The following BRINP1 variants were observed in gnomAD, a reference collection of about 807,000 sequenced individuals.
The protein encoded by BRINP1 is BMP/retinoic acid-inducible neural-specific protein 1.
A neutral mutation model predicts 72.9 loss-of-function variants in BRINP1; 17 were observed. The observed-to-expected ratio is 0.23, with a 90% CI of 0.16 to 0.35. The LOEUF (loss-of-function observed/expected upper bound fraction) is 0.35, where lower values mean the gene tolerates loss of function less well. Ranked by LOEUF, BRINP1 falls within the 10% of genes least tolerant of loss-of-function variation. The probability of loss-of-function intolerance (pLI) is 1.00; values close to 1 mark genes in which losing one functional copy is unlikely to be tolerated. For missense variants in BRINP1, 850 were observed against 1,001.6 expected, an observed-to-expected ratio of 0.85 and a Z score of 2.04; for synonymous variants, 418 against 378.5, an observed-to-expected ratio of 1.10 and a Z score of -1.21.
intron 1 of BRINP1, 48 bp downstream of exon 1, chr9:119,369,008 G>T: frequency 2.6e-6 from 1 of 391,916 alleles, no homozygotes; most frequent in East Asian, 3.6e-5. Flanking sequence ...CCGGGGCCGG[G>T]TCCAAGGGCA....
chr9:119,214,646 T>C (rs7045999), intron 5 of BRINP1, among the ~76,000 whole-genome samples: 130,319 of 151,464 alleles, frequency 0.86, 56,543 homozygotes, highest in African/African-American at 0.97. Context: ...AATCAGCAGG[T>C]GTAGACATGG....
intron 1 of BRINP1, among the ~76,000 whole-genome samples, chr9:119,343,830 C>T (rs1455361009): frequency 6.6e-6 from 1 of 152,210 alleles, no homozygotes; most frequent in Non-Finnish European, 1.5e-5. Flanking sequence ...CATTGCGCCA[C>T]TCAACAATAT....
chr9:119,302,840 T>G (rs988920600), intron 2 of BRINP1, among the ~76,000 whole-genome samples: 4 of 152,174 alleles, frequency 2.6e-5, no homozygotes, highest in Admixed American at 6.5e-5. Flanking sequence ...TTTTATATTT[T>G]TTTTTCAACA....
intron 2 of BRINP1, among the ~76,000 whole-genome samples, chr9:119,261,184 T>C (rs1830491377): frequency 6.6e-6 from 1 of 152,140 alleles, no homozygotes; most frequent in African/African-American, 2.4e-5. Context: ...GAGATGCTTA[T>C]AGGAGGGATT....
intron 1 of BRINP1, among the ~76,000 whole-genome samples, chr9:119,356,329 T>C (rs1831565247): frequency 6.6e-6 from 1 of 152,194 alleles, no homozygotes; most frequent in African/African-American, 2.4e-5. Flanking sequence ...CCACATGCAT[T>C]ATCTCCTTTT....
At chr9:119,324,151 A>G (rs571574263) in intron 1 of BRINP1, among the ~76,000 whole-genome samples, 1 of 152,276 alleles carries the variant, frequency 6.6e-6, no homozygotes, top group East Asian at 1.9e-4. Context: ...TTGGTGCCCA[A>G]CTCAGTACAA....
intron 5 of BRINP1, among the ~76,000 whole-genome samples, chr9:119,229,516 T>C (rs1262004614): frequency 6.6e-6 from 1 of 152,046 alleles, no homozygotes; most frequent in Non-Finnish European, 1.5e-5. Flanking sequence ...CTATTCTACA[T>C]TGTATCTCCT....
chr9:119,240,622 CTG>C (rs1348667745), intron 4 of BRINP1, among the ~76,000 whole-genome samples: 1 of 152,208 alleles, frequency 6.6e-6, no homozygotes, highest in Non-Finnish European at 1.5e-5. Flanking sequence ...ATCCATCTCT[CTG>C]TGCTGAGTTC....
At chr9:119,214,862 A>G (rs902835079) in intron 5 of BRINP1, among the ~76,000 whole-genome samples, 1 of 152,204 alleles carries the variant, frequency 6.6e-6, no homozygotes, top group African/African-American at 2.4e-5. Context: ...GAGGAAAGGC[A>G]TCATGTGTCT....
chr9:119,264,835 A>G (rs967700278), intron 2 of BRINP1, among the ~76,000 whole-genome samples: 1 of 152,038 alleles, frequency 6.6e-6, no homozygotes, highest in Non-Finnish European at 1.5e-5. Flanking sequence ...ATGCCAGGCT[A>G]ATTTTTTTTG....
chr9:119,309,255 G>A (rs757713276), intron 2 of BRINP1, among the ~76,000 whole-genome samples: 38 of 152,274 alleles, frequency 2.5e-4, no homozygotes, highest in African/African-American at 3.9e-4. Context: ...GTCTCAGAGC[G>A]GTTGAAACTT....
chr9:119,198,097 A>C (rs1829759226), intron 7 of BRINP1, among the ~76,000 whole-genome samples: 1 of 152,238 alleles, frequency 6.6e-6, no homozygotes, highest in African/African-American at 2.4e-5. Flanking sequence ...TAGAATGTTA[A>C]ATAGAATATA....
chr9:119,236,026 C>T (rs1830189048), intron 5 of BRINP1, among the ~76,000 whole-genome samples: 1 of 152,092 alleles, frequency 6.6e-6, no homozygotes, highest in Admixed American at 6.6e-5. Context: ...GTAACTTCTC[C>T]CTTCCTACTA....
intron 1 of BRINP1, among the ~76,000 whole-genome samples, chr9:119,325,529 T>A (rs191976777): frequency 2.0e-5 from 3 of 152,330 alleles, no homozygotes; most frequent in African/African-American, 7.2e-5. Context: ...CTCAGAGCAA[T>A]CTTACACTCT....
At chr9:119,280,052 AT>A (rs1320549332) in intron 2 of BRINP1, among the ~76,000 whole-genome samples, 1 of 152,218 alleles carries the variant, frequency 6.6e-6, no homozygotes, top group East Asian at 1.9e-4. Context: ...ATAAAATAAA[AT>A]GTCCAGCATA....
rs1830802927 is a variant in BRINP1, at chr9:119,289,709, C to T, written c.218+23429G>A. 2.0e-5 allele frequency among the ~76,000 whole-genome samples: 3 copies of T among 152,342 alleles called. No homozygotes were observed. The South Asian group carries it at 6.2e-4, about 32-fold the overall frequency. ...AGCATACTGCCTGTCCCACCAGTTA[C>T]TCATTCTAAGTTCTCCTCAACTCAG... is the stretch of plus-strand genomic sequence containing the variant. On this transcript the variant is annotated intron_variant, in intron 2 of 7. Transcript: ENST00000265922.
chr9:119,250,731 A>T (rs2118923226), intron 2 of BRINP1, among the ~76,000 whole-genome samples: 1 of 152,316 alleles, frequency 6.6e-6, no homozygotes, highest in South Asian at 2.1e-4. Flanking sequence ...TTTGCTCAGT[A>T]ACAATCACAG....
intron 7 of BRINP1, among the ~76,000 whole-genome samples, chr9:119,170,429 GAAA>G (rs1033006349): frequency 8.0e-5 from 12 of 149,990 alleles, no homozygotes; most frequent in African/African-American, 2.9e-4. Flanking sequence ...GAAGTTTAGA[GAAA>G]AAAGAATAAA....
chr9:119,313,081 T>G (rs1831085488), intron 2 of BRINP1, 57 bp downstream of exon 2: 1 of 1,561,944 alleles, frequency 6.4e-7, no homozygotes, highest in African/African-American at 1.4e-5. Context: ...AATCAACGCC[T>G]GACTCCACAA....
Sources: allele counts gnomAD v4.1 joint callset (sites outside exome capture counted in the v4.1 genomes callset), GRCh38; gene constraint gnomAD v4.1.1; transcripts MANE v1.5; gene names NCBI Gene and HGNC (gene_info 2026-07-23, HGNC 2026-07-21).